Variants in ABLIM1 observed in about 807,000 individuals in gnomAD.
The protein encoded by ABLIM1 is actin binding LIM protein 1.
A neutral mutation model predicts 107.0 loss-of-function variants in ABLIM1; 40 were observed. The ratio of observed to expected loss-of-function variants is 0.37; its 90% confidence interval spans 0.29 to 0.49. The LOEUF is 0.49. Among genes scored for constraint, ABLIM1 ranks in the 20% least tolerant of loss-of-function variants. The pLI, the probability that ABLIM1 is intolerant of heterozygous loss-of-function variation, is 0.97. For synonymous variants in ABLIM1, 357 were observed against 357.3 expected, an observed-to-expected ratio of 1.00 and a Z score of 0.01; for missense variants, 857 against 1,008.5, an observed-to-expected ratio of 0.85 and a Z score of 2.04.
Position 114,435,958 on chromosome 10 carries a change from GA to G in ABLIM1, c.*301del. ...CACTGTTGTTGGACAACAGATAAAG[GA>G]AAAGAAAAAGAAGAAAACAACGCAG... On this transcript the variant is annotated 3_prime_UTR_variant, in exon 23 of 23. Transcript: ENST00000533213. The G allele has an allele frequency of 8.0e-6, 2 of 251,066 alleles. No homozygotes were observed. Among genetic ancestry groups the G allele is most frequent in the Non-Finnish European group, 7.6e-6 (1 of 130,752 alleles). 15.6% of individuals were successfully genotyped at this position (251,066 alleles called of 1,614,324 possible). A position where few individuals can be genotyped will look rare whatever the true frequency, so the allele number is the denominator to read the frequency against.
chr10:114,628,488 G>A (rs746263165), intron 1 of ABLIM1, among the ~76,000 whole-genome samples: 8 of 152,148 alleles, frequency 5.3e-5, no homozygotes, highest in Admixed American at 3.3e-4. Context: ...GTATGTGTGC[G>A]TCCCTACACA....
Position 114,548,948 on chromosome 10 carries a change from G to A in ABLIM1, c.674-1172C>T, listed in dbSNP as rs554593772. On this transcript the variant is annotated intron_variant, in intron 4 of 22. Transcript: ENST00000533213. Reference sequence around the variant, plus strand: ...TCTGACCACATCCGTGACTGCCACTGCTTTTTCCTAATGACGCTTCTAGCC... The same window carrying A: ...TCTGACCACATCCGTGACTGCCACTACTTTTTCCTAATGACGCTTCTAGCC... Among the ~76,000 whole-genome samples the A allele has an allele frequency of 9.8e-5, 15 of 152,348 alleles. 1 individual carries two copies. The highest frequency in any genetic ancestry group is 3.4e-3 in the Middle Eastern group (1 of 294).
At chr10:114,668,956 C>A (rs961471851) in intron 1 of ABLIM1, among the ~76,000 whole-genome samples, 1 of 152,242 alleles carries the variant, frequency 6.6e-6, no homozygotes, top group African/African-American at 2.4e-5. Flanking sequence ...GAAAAGGAAT[C>A]ACTGAACTGT....
At chr10:114,763,183 A>G (rs1022425908) in intron 1 of ABLIM1, among the ~76,000 whole-genome samples, 5 of 152,200 alleles carry the variant, frequency 3.3e-5, no homozygotes, top group Non-Finnish European at 7.3e-5. Flanking sequence ...TTGGACCGAA[A>G]GCTAACCAGA....
At chr10:114,644,131 A>G (rs201985123) in intron 1 of ABLIM1, among the ~76,000 whole-genome samples, 2 of 149,916 alleles carry the variant, frequency 1.3e-5, no homozygotes, top group Non-Finnish European at 3.0e-5. Context: ...AATACAAAAA[A>G]TTAGCTGGGC....
rs1386555857 is a variant in ABLIM1 at position 114,547,744 on chromosome 10, C to T, written c.706G>A (p.Gly236Arg). Residue 236 changes from glycine (G) to arginine (R), a missense_variant, in exon 5 of 23, where the codon GGG becomes AGG. This residue lies in a region of ABLIM1 where 381 missense variants were observed against 506.9 expected (regional missense o/e 0.75). Coordinates refer to ENST00000533213, the MANE Select transcript of ABLIM1 (RefSeq NM_002313.7). ...TTATCCAGCGCCAGCAGCGCCTGCC[C>T]ATTCTTGATATCTCTTCCGCAGCCG... ...CAGCGRDIKN[G>R]QALLALDKQW... 2.5e-6 allele frequency: 4 copies of T among 1,612,676 alleles called. No homozygotes were observed. Among genetic ancestry groups the T allele is most frequent in the East Asian group, 2.2e-5 (1 of 44,874 alleles).
At chr10:114,615,047 T>C (rs1415346826) in intron 1 of ABLIM1, among the ~76,000 whole-genome samples, 3 of 90,378 alleles carry the variant, frequency 3.3e-5, no homozygotes, top group African/African-American at 9.9e-5. Context: ...CAAAACTCTG[T>C]CTCAAAAAAA....
At chr10:114,631,500 A>G (rs569294978) in intron 1 of ABLIM1, among the ~76,000 whole-genome samples, 4 of 152,326 alleles carry the variant, frequency 2.6e-5, no homozygotes, top group Admixed American at 2.6e-4. Context: ...CACACAGCCC[A>G]GCCGTGGCAG....
chr10:114,709,674 T>A (rs1245789989), intron 1 of ABLIM1, among the ~76,000 whole-genome samples: 1 of 152,184 alleles, frequency 6.6e-6, no homozygotes, highest in African/African-American at 2.4e-5. Context: ...AACTACAAAG[T>A]TATTGTCATA....
At chr10:114,631,824 T>C in intron 1 of ABLIM1, 1 of 1,282,114 alleles carries the variant, frequency 7.8e-7, no homozygotes, top group African/African-American at 1.5e-5. Flanking sequence ...CGATTGATCA[T>C]TCCCCGTTAG....
chr10:114,523,312 C>A (rs1565805158), intron 6 of ABLIM1, among the ~76,000 whole-genome samples: 1 of 152,106 alleles, frequency 6.6e-6, no homozygotes, highest in East Asian at 1.9e-4. Context: ...CCCATCTGCA[C>A]CCCCCTTGCC....
upstream of ABLIM1, among the ~76,000 whole-genome samples, chr10:114,688,850 G>T (rs959405704): frequency 2.6e-5 from 4 of 152,208 alleles, no homozygotes; most frequent in African/African-American, 9.7e-5. Context: ...ATGGTAGGGT[G>T]ATATAAAAGA....
rs1158947105 is a variant in ABLIM1, at chr10:114,644,329, A to ATATATATATGTG, written c.244+13627_244+13628insCACATATATATA. Among the ~76,000 whole-genome samples the ATATATATATGTG allele has an allele frequency of 8.3e-4, 95 of 114,908 alleles. 1 individual carries two copies. Among genetic ancestry groups the ATATATATATGTG allele is most frequent in the African/African-American group, 3.8e-3 (91 of 23,854 alleles). 75.4% of individuals were successfully genotyped at this position (114,908 alleles called of 152,430 possible). On this transcript the variant is annotated intron_variant, in intron 1 of 22. Transcript: ENST00000533213. Reference sequence around the variant, plus strand: ...AAAATATATATATATATATATATATATGTGTATATATTGTATATATACATA... The same window carrying ATATATATATGTG: ...AAAATATATATATATATATATATATATATATATATGTGTGTGTATATATTGTATATATACATA...
intron 1 of ABLIM1, among the ~76,000 whole-genome samples, chr10:114,627,696 A>C (rs887788591): frequency 3.3e-5 from 5 of 152,226 alleles, no homozygotes; most frequent in African/African-American, 1.2e-4. Flanking sequence ...GCTGGGAAAT[A>C]AGGCCCATAA....
At chr10:114,630,159 A>G (rs946841453) in intron 1 of ABLIM1, among the ~76,000 whole-genome samples, 2 of 152,180 alleles carry the variant, frequency 1.3e-5, no homozygotes, top group African/African-American at 4.8e-5. Flanking sequence ...AATATATACC[A>G]TATATAGCAA....
chr10:114,615,492 T>C, intron 1 of ABLIM1: 1 of 446,914 alleles, frequency 2.2e-6, no homozygotes. Flanking sequence ...TCTCTTTATA[T>C]TTACCACAGT....
chr10:114,688,974 G>A (rs747107412), upstream of ABLIM1, among the ~76,000 whole-genome samples: 3 of 152,138 alleles, frequency 2.0e-5, no homozygotes, highest in Admixed American at 6.5e-5. Context: ...TATTATTGAC[G>A]TCAGAAGAAT....
chr10:114,702,146 T>C (rs568095521), intron 1 of ABLIM1, among the ~76,000 whole-genome samples: 1 of 152,382 alleles, frequency 6.6e-6, no homozygotes, highest in East Asian at 1.9e-4. Flanking sequence ...TGATTTTCAT[T>C]ACTTTAAGTC....
intron 1 of ABLIM1, among the ~76,000 whole-genome samples, chr10:114,723,689 T>G (rs542069983): frequency 1.3e-5 from 2 of 152,360 alleles, no homozygotes; most frequent in East Asian, 3.9e-4. Flanking sequence ...AAATAATTTG[T>G]GTTTCAGTGG....
Sources: allele counts gnomAD v4.1 joint callset (sites outside exome capture counted in the v4.1 genomes callset), GRCh38; gene constraint gnomAD v4.1.1; regional missense constraint gnomAD v4.1.1; transcripts MANE v1.5; gene names NCBI Gene and HGNC (gene_info 2026-07-23, HGNC 2026-07-21).